RBFOX1: variants seen among roughly 807,000 people sequenced by gnomAD.
RBFOX1 encodes RNA binding protein fox-1 homolog 1.
Under a neutral mutation model 57.7 loss-of-function variants are expected in RBFOX1, and 8 were observed. The observed-to-expected ratio is 0.14, with a 90% confidence interval of 0.08 to 0.25. The LOEUF is 0.25. Among genes scored for constraint, RBFOX1 ranks in the 10% least tolerant of loss-of-function variants. The pLI is 1.00. For missense variants in RBFOX1, 611 were observed against 548.5 expected (o/e 1.11, Z -1.14); for synonymous variants, 326 against 222.4 (o/e 1.47, Z -4.15).
intron 5 of RBFOX1, among the ~76,000 whole-genome samples, chr16:7,531,322 G>A (rs2080017322): frequency 6.6e-6 from 1 of 152,156 alleles, no homozygotes; most frequent in Admixed American, 6.5e-5. Context: ...ATAACGTATG[G>A]TAATGATCAC....
intron 4 of RBFOX1, among the ~76,000 whole-genome samples, chr16:7,125,944 G>C (rs182954697): frequency 6.6e-6 from 1 of 152,098 alleles, no homozygotes; most frequent in East Asian, 1.9e-4. Context: ...TTACCTGTGC[G>C]TGGTGGCACA....
intron 3 of RBFOX1, among the ~76,000 whole-genome samples, chr16:6,866,541 A>AGTTTTTTT (rs761820657): frequency 1.3e-5 from 1 of 78,886 alleles, no homozygotes; most frequent in African/African-American, 5.6e-5. Context: ...CTTTCCTTCT[A>AGTTTTTTT]TTTTTTTTTT....
At chr16:6,603,295 T>C (rs948152376) in intron 2 of RBFOX1, among the ~76,000 whole-genome samples, 14 of 152,132 alleles carry the variant, frequency 9.2e-5, no homozygotes, top group African/African-American at 3.4e-4. Context: ...TTGCCAGAGC[T>C]TCTGATTTTT....
At chr16:6,821,883 C>G (rs900706310) in intron 3 of RBFOX1, among the ~76,000 whole-genome samples, 16 of 152,122 alleles carry the variant, frequency 1.1e-4, no homozygotes, top group African/African-American at 3.6e-4. Context: ...TATACCTAGG[C>G]ATGAAATTGC....
chr16:6,897,152 C>A (rs909445154), intron 3 of RBFOX1, among the ~76,000 whole-genome samples: 36 of 152,292 alleles, frequency 2.4e-4, no homozygotes, highest in Admixed American at 1.0e-3. Flanking sequence ...CTTGCCCAAG[C>A]TGACACAGCG....
chr16:5,815,156 A>ATTTAATT (rs370333775), intron 3 of RBFOX1, among the ~76,000 whole-genome samples: 3 of 114,210 alleles, frequency 2.6e-5, no homozygotes, highest in Admixed American at 1.0e-4. Flanking sequence ...ATTTAATTTA[A>ATTTAATT]TTTTTTTTTT....
intron 4 of RBFOX1, among the ~76,000 whole-genome samples, chr16:7,461,969 C>T (rs192718686): frequency 5.3e-5 from 8 of 152,260 alleles, no homozygotes; most frequent in African/African-American, 1.7e-4. Flanking sequence ...GTGAGGTGAA[C>T]GGATGTCAAG....
chr16:7,076,222 T>C (rs11864080), intron 4 of RBFOX1, among the ~76,000 whole-genome samples: 105,691 of 151,224 alleles, frequency 0.7, 37,859 homozygotes, highest in East Asian at 0.9. Context: ...TTAGTAGAGA[T>C]GGGGTTTCAC....
chr16:6,802,840 T>C (rs2085812422), intron 3 of RBFOX1, among the ~76,000 whole-genome samples: 1 of 152,236 alleles, frequency 6.6e-6, no homozygotes, highest in African/African-American at 2.4e-5. Flanking sequence ...TGAAGAATTT[T>C]ATAAACTAAC....
chr16:5,650,439 G>C (rs757790238), intron 3 of RBFOX1, among the ~76,000 whole-genome samples: 2 of 152,290 alleles, frequency 1.3e-5, no homozygotes, highest in Middle Eastern at 3.4e-3. Flanking sequence ...TGGATGCCCA[G>C]TCTGCATTTT....
At chr16:6,100,787 A>G (rs894160612) in intron 1 of RBFOX1, among the ~76,000 whole-genome samples, 6 of 152,134 alleles carry the variant, frequency 3.9e-5, no homozygotes, top group Non-Finnish European at 8.8e-5. Context: ...TCAAAATAGC[A>G]AAGTTGGGAT....
At chr16:5,816,619 A>G (rs1351298023) in intron 3 of RBFOX1, among the ~76,000 whole-genome samples, 5 of 152,152 alleles carry the variant, frequency 3.3e-5, no homozygotes, top group Admixed American at 2.0e-4. Context: ...CTTCGTTTCT[A>G]TAAAAAAATA....
At chr16:6,690,765 T>C (rs916231419) in intron 3 of RBFOX1, among the ~76,000 whole-genome samples, 4 of 151,220 alleles carry the variant, frequency 2.6e-5, no homozygotes, top group Non-Finnish European at 3.0e-5. Flanking sequence ...TTTCTTTTTT[T>C]TTTTTTTTAA....
intron 3 of RBFOX1, among the ~76,000 whole-genome samples, chr16:5,696,872 C>A (rs1305343923): frequency 6.6e-6 from 1 of 151,758 alleles, no homozygotes; most frequent in Non-Finnish European, 1.5e-5. Context: ...TTCTCTGTTT[C>A]TTTCTGTACA....
At chr16:5,736,458 G>C (rs1034052431) in intron 3 of RBFOX1, among the ~76,000 whole-genome samples, 4 of 151,960 alleles carry the variant, frequency 2.6e-5, no homozygotes, top group African/African-American at 9.7e-5. Context: ...GCTTGTCCCA[G>C]CTTCTGCTGC....
chr16:6,673,253 C>T (rs1402577672), intron 3 of RBFOX1, among the ~76,000 whole-genome samples: 1 of 152,096 alleles, frequency 6.6e-6, no homozygotes, highest in Non-Finnish European at 1.5e-5. Context: ...TCCCAAAGGT[C>T]CCTCATATCC....
chr16:6,535,058 C>T (rs1393231112), intron 2 of RBFOX1, among the ~76,000 whole-genome samples: 2 of 152,156 alleles, frequency 1.3e-5, no homozygotes, highest in Non-Finnish European at 2.9e-5. Flanking sequence ...CCGCATCCTG[C>T]AGCAAAAGCC....
At chr16:5,256,124 G>A (rs28477582) in intron 1 of RBFOX1, among the ~76,000 whole-genome samples, 50,825 of 151,962 alleles carry the variant, frequency 0.33, 8,672 homozygotes, top group African/African-American at 0.41. Flanking sequence ...TTTTGCAGGA[G>A]GGGAAGGGCA....
At position 5,379,661 on chromosome 16, in the gene RBFOX1, A is replaced by G. The variant is rs115834650; in HGVS notation, c.220-87555A>G. ...TCCAGCCACCAAATCTGAGAAACCA[A>G]CTGGACCAGATAGATCAGTGGTTTA... On this transcript the variant is annotated intron_variant, in intron 1 of 2. Transcript: ENST00000585867. Among the ~76,000 whole-genome samples, 1,122 of 152,224 alleles carry G rather than the reference A, an allele frequency of 7.4e-3. 16 individuals are homozygous for G. The highest frequency in any genetic ancestry group is 0.025 in the African/African-American group (1,038 of 41,540).
Sources: allele counts gnomAD v4.1 joint callset (sites outside exome capture counted in the v4.1 genomes callset), GRCh38; gene constraint gnomAD v4.1.1; transcripts MANE v1.5; gene names NCBI Gene and HGNC (gene_info 2026-07-23, HGNC 2026-07-21).